CDH13: variants seen among roughly 807,000 people sequenced by gnomAD.
CDH13 encodes cadherin-13.
In CDH13, 24 loss-of-function variants were observed where a neutral mutation model predicts 63.8. The observed-to-expected ratio is 0.38, with a 90% CI of 0.27 to 0.53. CDH13 has a LOEUF of 0.53. Among genes scored for constraint, CDH13 ranks in the 20% least tolerant of loss-of-function variants. The pLI, the probability that CDH13 is intolerant of heterozygous loss-of-function variation, is 0.85. For synonymous variants in CDH13, 503 were observed against 355.3 expected, an observed-to-expected ratio of 1.42 and a Z score of -4.67; for missense variants, 1,049 against 903.1, an observed-to-expected ratio of 1.16 and a Z score of -2.07.
intron 6 of CDH13, among the ~76,000 whole-genome samples, chr16:83,380,240 C>A (rs1037239332): frequency 2.6e-5 from 4 of 151,690 alleles, no homozygotes; most frequent in Admixed American, 6.6e-5. Context: ...AAAGACAAAG[C>A]AAATGTGACA....
chr16:82,989,241 GC>G (rs142764588), intron 2 of CDH13, among the ~76,000 whole-genome samples: 74 of 152,266 alleles, frequency 4.9e-4, no homozygotes, highest in Non-Finnish European at 9.6e-4. Context: ...TGTCTGTGGG[GC>G]CTATATTTAT....
At chr16:83,006,916 G>GT (rs1304934076) in intron 2 of CDH13, among the ~76,000 whole-genome samples, 4 of 120,272 alleles carry the variant, frequency 3.3e-5, no homozygotes, top group African/African-American at 1.2e-4. Context: ...TTGTTTGTTT[G>GT]TTTGTTTGTT....
intron 3 of CDH13, among the ~76,000 whole-genome samples, chr16:83,072,873 T>A (rs756395069): frequency 5.9e-5 from 9 of 152,238 alleles, no homozygotes; most frequent in Non-Finnish European, 1.3e-4. Flanking sequence ...GTAGAAAGAC[T>A]GCCCTGGAGG....
chr16:83,523,481 C>G (rs948079699), intron 7 of CDH13, among the ~76,000 whole-genome samples: 1 of 152,064 alleles, frequency 6.6e-6, no homozygotes, highest in Non-Finnish European at 1.5e-5. Context: ...AAGAGAAACT[C>G]ACCTCCCACC....
intron 2 of CDH13, among the ~76,000 whole-genome samples, chr16:82,931,483 G>T (rs974542446): frequency 6.6e-6 from 1 of 151,092 alleles, no homozygotes; most frequent in African/African-American, 2.4e-5. Flanking sequence ...AAGCAGTGGG[G>T]AAGCTAGAAT....
chr16:82,642,095 A>C (rs1306429824), intron 1 of CDH13, among the ~76,000 whole-genome samples: 1 of 150,030 alleles, frequency 6.7e-6, no homozygotes, highest in Non-Finnish European at 1.5e-5. Flanking sequence ...GGAGGGCAAA[A>C]AAAAAAAAAA....
At chr16:82,736,545 C>G (rs984298694) in intron 1 of CDH13, among the ~76,000 whole-genome samples, 2 of 152,116 alleles carry the variant, frequency 1.3e-5, no homozygotes, top group African/African-American at 2.4e-5. Context: ...GGGCAGCATC[C>G]CATTCCAATG....
intron 5 of CDH13, among the ~76,000 whole-genome samples, chr16:83,309,179 T>G (rs1195818903): frequency 6.6e-6 from 1 of 152,210 alleles, no homozygotes; most frequent in African/African-American, 2.4e-5. Flanking sequence ...CTGTTTTGTT[T>G]GCAGCGTTAT....
intron 7 of CDH13, among the ~76,000 whole-genome samples, chr16:83,540,618 T>C (rs1286357413): frequency 6.6e-6 from 1 of 152,246 alleles, no homozygotes; most frequent in Non-Finnish European, 1.5e-5. Context: ...TTCAGTCTCG[T>C]AATGACACTC....
intron 6 of CDH13, among the ~76,000 whole-genome samples, chr16:83,376,552 A>G (rs1466887736): frequency 6.6e-6 from 1 of 152,184 alleles, no homozygotes; most frequent in African/African-American, 2.4e-5. Flanking sequence ...ATTAGAAAAA[A>G]ATTATTCTGG....
At chr16:83,606,058 A>G (rs1236553901) in intron 8 of CDH13, among the ~76,000 whole-genome samples, 1 of 152,202 alleles carries the variant, frequency 6.6e-6, no homozygotes, top group Non-Finnish European at 1.5e-5. Context: ...GGAAAACAGG[A>G]TGCCCTAGAA....
chr16:82,632,690 T>C (rs1204179308), intron 1 of CDH13, among the ~76,000 whole-genome samples: 1 of 152,196 alleles, frequency 6.6e-6, no homozygotes, highest in Non-Finnish European at 1.5e-5. Context: ...GAAGACAATT[T>C]TTCCACGGAC....
At chr16:83,101,414 G>T (rs2034472508) in intron 3 of CDH13, among the ~76,000 whole-genome samples, 1 of 149,588 alleles carries the variant, frequency 6.7e-6, no homozygotes, top group South Asian at 2.1e-4. Flanking sequence ...TATATATTTA[G>T]TATGTTAGAT....
intron 2 of CDH13, among the ~76,000 whole-genome samples, chr16:82,876,566 G>A (rs1417189551): frequency 6.6e-6 from 1 of 152,162 alleles, no homozygotes; most frequent in African/African-American, 2.4e-5. Flanking sequence ...ATGTCACATT[G>A]CTTTCAACTT....
At chr16:83,226,964 G>A (rs1042824922) in intron 5 of CDH13, among the ~76,000 whole-genome samples, 1 of 152,212 alleles carries the variant, frequency 6.6e-6, no homozygotes, top group Non-Finnish European at 1.5e-5. Flanking sequence ...AGAGGAAGAA[G>A]AAGTGCATTA....
chr16:83,002,818 C>A (rs140507289), intron 2 of CDH13, among the ~76,000 whole-genome samples: 3 of 152,054 alleles, frequency 2.0e-5, no homozygotes, highest in Non-Finnish European at 4.4e-5. Flanking sequence ...CTGCAAAGGC[C>A]GTGACACTGG....
chr16:82,690,702 C>T (rs1056495616), intron 1 of CDH13, among the ~76,000 whole-genome samples: 1 of 152,188 alleles, frequency 6.6e-6, no homozygotes, highest in South Asian at 2.1e-4. Context: ...CTATGCCCAC[C>T]GTTGTTCATG....
At chr16:83,004,302 A>G (rs72794161) in intron 2 of CDH13, among the ~76,000 whole-genome samples, 4,107 of 152,262 alleles carry the variant, frequency 0.027, 72 homozygotes, top group South Asian at 0.052. Context: ...AAAAGGAAGA[A>G]CTTTGAATTC....
intron 1 of CDH13, among the ~76,000 whole-genome samples, chr16:82,739,948 T>A (rs2033855325): frequency 6.6e-6 from 1 of 152,204 alleles, no homozygotes. Flanking sequence ...AGATTCTACA[T>A]CTCCAGATAT....
Sources: gnomAD v4.1 joint callset for allele counts (sites outside exome capture counted in the v4.1 genomes callset) on GRCh38, gnomAD v4.1.1 for gene constraint, MANE v1.5 for transcripts, NCBI Gene and HGNC (gene_info 2026-07-23, HGNC 2026-07-21) for gene names.